Variants in LIN28B observed in about 807,000 individuals in gnomAD.
LIN28B encodes lin-28 RNA binding posttranscriptional regulator B.
A neutral mutation model predicts 21.9 loss-of-function variants in LIN28B; 5 were observed. That is an observed-to-expected ratio of 0.23 (90% CI 0.12 to 0.48). LIN28B has a LOEUF of 0.48. Ranked by LOEUF, LIN28B falls within the 20% of genes least tolerant of loss-of-function variation. The pLI is 0.98. For missense variants in LIN28B, 245 were observed against 310.5 expected (o/e 0.79, Z 1.58); for synonymous variants, 109 against 111.3 (o/e 0.98, Z 0.13).
chr6:104,989,467 C>T (rs1055796840), intron 2 of LIN28B, among the ~76,000 whole-genome samples: 3 of 152,106 alleles, frequency 2.0e-5, no homozygotes, highest in Non-Finnish European at 4.4e-5. Flanking sequence ...AAGCAGTCCG[C>T]CCACCTTGGC....
intron 2 of LIN28B, among the ~76,000 whole-genome samples, chr6:104,991,671 G>A (rs1181875827): frequency 1.3e-5 from 2 of 152,160 alleles, no homozygotes; most frequent in Non-Finnish European, 2.9e-5. Flanking sequence ...CGGCTGGGAG[G>A]TGGAGGTTGT....
chr6:105,071,893 T>G (rs1026164447), intron 3 of LIN28B, among the ~76,000 whole-genome samples: 4 of 152,186 alleles, frequency 2.6e-5, no homozygotes, highest in Non-Finnish European at 4.4e-5. Context: ...AGAAAAAGTA[T>G]TCACAAATTT....
At chr6:105,046,943 A>G (rs1771781017) in intron 3 of LIN28B, among the ~76,000 whole-genome samples, 1 of 152,100 alleles carries the variant, frequency 6.6e-6, no homozygotes, top group Non-Finnish European at 1.5e-5. Context: ...GTAGATTGCA[A>G]AAATTTTCTC....
intron 2 of LIN28B, among the ~76,000 whole-genome samples, chr6:105,006,810 G>A (rs1770825076): frequency 6.6e-6 from 1 of 152,122 alleles, no homozygotes; most frequent in Non-Finnish European, 1.5e-5. Flanking sequence ...AGCAGATTTT[G>A]CACTAGCTAG....
intron 3 of LIN28B, among the ~76,000 whole-genome samples, chr6:105,026,771 C>T (rs1404243221): frequency 6.6e-6 from 1 of 152,052 alleles, no homozygotes; most frequent in Non-Finnish European, 1.5e-5. Context: ...AGAGGTGCCC[C>T]TTTTTACACC....
chr6:104,992,675 A>T (rs898041630), intron 2 of LIN28B, among the ~76,000 whole-genome samples: 2 of 152,004 alleles, frequency 1.3e-5, no homozygotes, highest in Non-Finnish European at 2.9e-5. Flanking sequence ...CTGGATAATT[A>T]AAAAAATTTT....
intron 2 of LIN28B, among the ~76,000 whole-genome samples, chr6:105,008,378 C>T (rs1261292438): frequency 3.3e-5 from 5 of 152,276 alleles, no homozygotes; most frequent in Admixed American, 1.3e-4. Context: ...GGCGCGGTGG[C>T]TCACGTCTGT....
At chr6:105,063,235 T>C (rs761015127) in intron 3 of LIN28B, among the ~76,000 whole-genome samples, 6 of 152,206 alleles carry the variant, frequency 3.9e-5, no homozygotes, top group Non-Finnish European at 8.8e-5. Flanking sequence ...TATCTTTTTG[T>C]ATTTATGCTC....
intron 2 of LIN28B, among the ~76,000 whole-genome samples, chr6:104,945,709 T>C (rs1012299782): frequency 1.3e-5 from 2 of 152,132 alleles, no homozygotes; most frequent in African/African-American, 4.8e-5. Context: ...CATAAAGTTA[T>C]TATTTCATAT....
At chr6:104,967,177 TATA>T (rs1562075053) in intron 2 of LIN28B, among the ~76,000 whole-genome samples, 1 of 152,340 alleles carries the variant, frequency 6.6e-6, no homozygotes, top group East Asian at 1.9e-4. Context: ...TAATCTTCAA[TATA>T]ATATTAATTT....
intron 2 of LIN28B, among the ~76,000 whole-genome samples, chr6:104,998,328 C>T (rs752136843): frequency 6.6e-6 from 1 of 152,032 alleles, no homozygotes; most frequent in Admixed American, 6.6e-5. Flanking sequence ...AATCTGTTAA[C>T]ATTTTATTAT....
At chr6:105,009,030 A>G (rs541443322) in intron 2 of LIN28B, among the ~76,000 whole-genome samples, 2 of 152,336 alleles carry the variant, frequency 1.3e-5, no homozygotes, top group South Asian at 4.1e-4. Context: ...TAATATCACA[A>G]GTACTTTAGA....
intron 3 of LIN28B, among the ~76,000 whole-genome samples, chr6:105,072,971 C>A (rs1772360878): frequency 1.3e-5 from 2 of 151,968 alleles, no homozygotes; most frequent in African/African-American, 4.8e-5. Context: ...CAAAATGGGG[C>A]CTTCTTTAGG....
chr6:104,966,304 A>G (rs1769856877), intron 2 of LIN28B, among the ~76,000 whole-genome samples: 1 of 152,182 alleles, frequency 6.6e-6, no homozygotes, highest in African/African-American at 2.4e-5. Flanking sequence ...TGTGATAAAT[A>G]ATATTTTTCA....
intron 2 of LIN28B, among the ~76,000 whole-genome samples, chr6:104,979,732 A>G (rs1311858236): frequency 6.6e-6 from 1 of 152,190 alleles, no homozygotes; most frequent in Admixed American, 6.5e-5. Context: ...AACCAGATAT[A>G]TAAATTTGGA....
At chr6:104,963,140 G>A (rs1432426213) in intron 2 of LIN28B, among the ~76,000 whole-genome samples, 4 of 152,104 alleles carry the variant, frequency 2.6e-5, no homozygotes, top group Admixed American at 6.6e-5. Flanking sequence ...TCCGCCTTCC[G>A]GGTTCACGCC....
intron 2 of LIN28B, among the ~76,000 whole-genome samples, chr6:105,014,168 G>C (rs1430196253): frequency 1.3e-5 from 2 of 151,632 alleles, no homozygotes; most frequent in Non-Finnish European, 2.9e-5. Context: ...ATTTTTTTAA[G>C]ACAGAATCTC....
chr6:105,079,377 T>A lies in LIN28B; in HGVS notation c.*594T>A, dbSNP rs1341360460. 6.6e-6 allele frequency: 1 copy of A among 152,642 alleles called. No individual in the cohort carries two copies. Among genetic ancestry groups the A allele is most frequent in the Non-Finnish European group, 1.5e-5 (1 of 68,052 alleles). The allele number at this position is 152,642 out of a possible 1,614,324, so 9.5% of individuals were successfully genotyped here. ...CCGAATTTGGGATTGCCTCTTTTTCTTGAAATCTCTGGAGTAGTAATTTTT... is the reference window on the plus strand; with the variant it reads ...CCGAATTTGGGATTGCCTCTTTTTCATGAAATCTCTGGAGTAGTAATTTTT... On this transcript the variant is annotated 3_prime_UTR_variant, in exon 4 of 4. Coordinates refer to ENST00000345080, the MANE Select transcript of LIN28B (RefSeq NM_001004317.4).
intron 2 of LIN28B, among the ~76,000 whole-genome samples, chr6:104,989,118 G>A (rs74711615): frequency 0.098 from 14,938 of 151,956 alleles, 781 homozygotes; most frequent in Middle Eastern, 0.11. Flanking sequence ...TTTTATCTTC[G>A]ATTTTGTTGA....
Sources: allele counts gnomAD v4.1 joint callset (sites outside exome capture counted in the v4.1 genomes callset), GRCh38; gene constraint gnomAD v4.1.1; transcripts MANE v1.5; gene names NCBI Gene and HGNC (gene_info 2026-07-23, HGNC 2026-07-21).